GNAQ: variants seen among roughly 807,000 people sequenced by gnomAD.
GNAQ encodes G protein subunit alpha q, also known as guanine nucleotide-binding protein G(q) subunit alpha.
GNAQ carries 8 observed loss-of-function variants against 43.9 expected under a neutral mutation model. The observed-to-expected ratio is 0.18, with a 90% confidence interval of 0.11 to 0.33. The LOEUF (loss-of-function observed/expected upper bound fraction) is 0.33. Ranked by LOEUF, GNAQ falls within the 10% of genes least tolerant of loss-of-function variation. The pLI, the probability that GNAQ is intolerant of heterozygous loss-of-function variation, is 1.00. For missense variants in GNAQ, 158 were observed against 450.8 expected, an observed-to-expected ratio of 0.35 and a Z score of 5.88; for synonymous variants, 155 against 170.7, an observed-to-expected ratio of 0.91 and a Z score of 0.71.
intron 2 of GNAQ, among the ~76,000 whole-genome samples, chr9:77,881,327 G>A (rs10126020): frequency 0.013 from 1,914 of 152,312 alleles, 51 homozygotes; most frequent in African/African-American, 0.044. Flanking sequence ...TGCCTGGCAC[G>A]TGGCCAGGGC....
intron 1 of GNAQ, among the ~76,000 whole-genome samples, chr9:77,975,083 C>T (rs938678417): frequency 6.6e-6 from 1 of 152,148 alleles, no homozygotes; most frequent in Non-Finnish European, 1.5e-5. Flanking sequence ...ACCTAGTTAG[C>T]CAAAATACAA....
intron 1 of GNAQ, among the ~76,000 whole-genome samples, chr9:77,967,305 A>G (rs1349068891): frequency 1.3e-5 from 2 of 152,142 alleles, no homozygotes; most frequent in Non-Finnish European, 2.9e-5. Flanking sequence ...CCGTGCTTTT[A>G]ACATTATAAA....
chr9:77,772,682 T>C (rs1826245679), intron 5 of GNAQ, among the ~76,000 whole-genome samples: 1 of 152,232 alleles, frequency 6.6e-6, no homozygotes, highest in Non-Finnish European at 1.5e-5. Flanking sequence ...ATCTTCACCC[T>C]GGTTCTTCCT....
At chr9:77,975,077 A>G (rs1823281914) in intron 1 of GNAQ, among the ~76,000 whole-genome samples, 1 of 152,146 alleles carries the variant, frequency 6.6e-6, no homozygotes, top group South Asian at 2.1e-4. Flanking sequence ...GTCTTTACCT[A>G]GTTAGCCAAA....
At position 77,864,160 on chromosome 9, in the gene GNAQ, G is replaced by A. The variant is rs114520863; in HGVS notation, c.322-48390C>T. On this transcript the variant is annotated intron_variant, in intron 2 of 6. Transcript: ENST00000286548. Reference sequence around the variant, plus strand: ...AGGAAGGAAGAAAGAGGGGAGGAAGGTGCCAGGCTTTTTTTTTTTTTTTTT... The same window carrying A: ...AGGAAGGAAGAAAGAGGGGAGGAAGATGCCAGGCTTTTTTTTTTTTTTTTT... 7.3e-3 allele frequency among the ~76,000 whole-genome samples: 1,095 copies of A among 149,960 alleles called. 18 individuals are homozygous for A. Among genetic ancestry groups the A allele is most frequent in the African/African-American group, 0.025 (1,002 of 40,832 alleles).
At chr9:77,900,505 C>G (rs980209968) in intron 2 of GNAQ, among the ~76,000 whole-genome samples, 2 of 152,120 alleles carry the variant, frequency 1.3e-5, no homozygotes, top group Non-Finnish European at 2.9e-5. Flanking sequence ...ACTGGGTGCA[C>G]AGACAATTCT....
At chr9:77,993,799 C>T (rs1234315803) in intron 1 of GNAQ, among the ~76,000 whole-genome samples, 4 of 152,000 alleles carry the variant, frequency 2.6e-5, no homozygotes, top group African/African-American at 9.7e-5. Context: ...TAAAAAATGA[C>T]ATTTCAAGAC....
At chr9:77,938,217 C>T (rs1193594613) in intron 1 of GNAQ, among the ~76,000 whole-genome samples, 1 of 152,086 alleles carries the variant, frequency 6.6e-6, no homozygotes, top group Non-Finnish European at 1.5e-5. Context: ...TTTATTGTTA[C>T]TTATTTTTAA....
At chr9:77,895,482 G>A (rs1258649882) in intron 2 of GNAQ, among the ~76,000 whole-genome samples, 1 of 152,116 alleles carries the variant, frequency 6.6e-6, no homozygotes, top group African/African-American at 2.4e-5. Context: ...GATGGTTAGA[G>A]GAAGCCTCAG....
intron 1 of GNAQ, among the ~76,000 whole-genome samples, chr9:77,924,803 T>C (rs923145068): frequency 6.6e-6 from 1 of 152,176 alleles, no homozygotes; most frequent in East Asian, 1.9e-4. Context: ...AACTCTAAGA[T>C]ATTTTCCTGT....
chr9:77,965,527 AG>A (rs1823155743), intron 1 of GNAQ, among the ~76,000 whole-genome samples: 1 of 152,212 alleles, frequency 6.6e-6, no homozygotes, highest in Non-Finnish European at 1.5e-5. Flanking sequence ...AGTAATCCAA[AG>A]GAAAAAAAAT....
intron 2 of GNAQ, among the ~76,000 whole-genome samples, chr9:77,818,463 A>AAG (rs1827056750): frequency 1.3e-5 from 2 of 151,252 alleles, no homozygotes; most frequent in Non-Finnish European, 2.9e-5. Context: ...AAAAAAAAAA[A>AAG]GTTCTGTATG....
chr9:77,963,798 A>G (rs989007367), intron 1 of GNAQ, among the ~76,000 whole-genome samples: 2 of 152,152 alleles, frequency 1.3e-5, no homozygotes, highest in African/African-American at 4.8e-5. Flanking sequence ...CCTCTCATCA[A>G]AAAAAGGACA....
intron 1 of GNAQ, among the ~76,000 whole-genome samples, chr9:78,028,934 C>A (rs564623283): frequency 2.6e-5 from 4 of 152,240 alleles, no homozygotes; most frequent in African/African-American, 9.6e-5. Flanking sequence ...ATACCAAGAA[C>A]ATGAAGCAGT....
intron 1 of GNAQ, among the ~76,000 whole-genome samples, chr9:77,933,693 G>A (rs184236072): frequency 1.3e-5 from 2 of 151,296 alleles, no homozygotes; most frequent in East Asian, 1.9e-4. Flanking sequence ...AGAGAAAACC[G>A]GGACTTCCCT....
Position 77,717,468 on chromosome 9 carries a change from G to A in GNAQ, c.*3855C>T, listed in dbSNP as rs945482652. Reference sequence around the variant, plus strand: ...TTTGAGGGAAATTTCCAACCAATATGTGAGTCTTGCAGTATTTCATTATAC... The same window carrying A: ...TTTGAGGGAAATTTCCAACCAATATATGAGTCTTGCAGTATTTCATTATAC... On this transcript the variant is annotated 3_prime_UTR_variant, in exon 7 of 7. Transcript: ENST00000286548. 5 of 232,354 alleles carry A rather than the reference G, an allele frequency of 2.2e-5. No homozygotes were observed. Among genetic ancestry groups the A allele is most frequent in the African/African-American group, 1.1e-4 (5 of 45,288 alleles). The allele number at this position is 232,354 out of a possible 1,614,324, so 14.4% of individuals were successfully genotyped here. A position where few individuals can be genotyped will look rare whatever the true frequency, so the allele number is the denominator to read the frequency against.
intron 1 of GNAQ, among the ~76,000 whole-genome samples, chr9:77,951,241 G>GCT (rs1822972117): frequency 6.6e-6 from 1 of 151,738 alleles, no homozygotes; most frequent in African/African-American, 2.4e-5. Context: ...GGAATTACAG[G>GCT]CTCACGCCAC....
chr9:77,829,879 T>G (rs1827268790), intron 2 of GNAQ, among the ~76,000 whole-genome samples: 2 of 152,138 alleles, frequency 1.3e-5, no homozygotes, highest in African/African-American at 4.8e-5. Flanking sequence ...CCTGGGGAGC[T>G]TAAAAAAAAG....
At chr9:77,940,005 G>A (rs902093942) in intron 1 of GNAQ, among the ~76,000 whole-genome samples, 7 of 152,172 alleles carry the variant, frequency 4.6e-5, no homozygotes, top group Non-Finnish European at 1.0e-4. Flanking sequence ...TAATTTCTAA[G>A]AGTAAAAGGG....
Sources: allele counts gnomAD v4.1 joint callset (sites outside exome capture counted in the v4.1 genomes callset), GRCh38; gene constraint gnomAD v4.1.1; transcripts MANE v1.5; gene names NCBI Gene and HGNC (gene_info 2026-07-23, HGNC 2026-07-21).